The following KIF24 variants were observed in gnomAD, a reference collection of about 807,000 sequenced individuals.
KIF24 encodes kinesin-like protein KIF24.
In KIF24, 81 loss-of-function variants were observed where a neutral mutation model predicts 118.9. That is an observed-to-expected ratio of 0.68 (90% CI 0.57 to 0.82). KIF24 has a LOEUF of 0.82. Ranked by LOEUF, KIF24 falls within the 40% of genes least tolerant of loss-of-function variation. The probability of loss-of-function intolerance (pLI) is 0.00; values close to 1 mark genes in which losing one functional copy is unlikely to be tolerated. For missense variants in KIF24, 1,560 were observed against 1,661.6 expected, an observed-to-expected ratio of 0.94 and a Z score of 1.06; for synonymous variants, 599 against 610.0, an observed-to-expected ratio of 0.98 and a Z score of 0.27.
At chr9:34,281,817 G>T (rs1167025294) in intron 6 of KIF24, among the ~76,000 whole-genome samples, 2 of 152,164 alleles carry the variant, frequency 1.3e-5, no homozygotes, top group African/African-American at 4.8e-5. Context: ...TAAGTGCCTG[G>T]CCTATCCTTC....
intron 6 of KIF24, among the ~76,000 whole-genome samples, chr9:34,276,273 G>A (rs954246788): frequency 1.3e-5 from 2 of 151,204 alleles, no homozygotes; most frequent in Admixed American, 6.6e-5. Context: ...ATGGTGGTGC[G>A]CACCTGTAAT....
chr9:34,303,920 A>G (rs1836818487), intron 3 of KIF24, among the ~76,000 whole-genome samples: 1 of 152,188 alleles, frequency 6.6e-6, no homozygotes, highest in Non-Finnish European at 1.5e-5. Context: ...TCACTTTGTA[A>G]TATAACATCT....
intron 9 of KIF24, 82 bp from the exon 10 acceptor site, chr9:34,259,787 G>T: frequency 1.2e-6 from 1 of 856,318 alleles, no homozygotes; most frequent in South Asian, 1.4e-5. Flanking sequence ...CAGGATGCTG[G>T]GCCATAGTTC....
At position 34,292,953 on chromosome 9, in the gene KIF24, A is replaced by G. The variant is rs113644865; in HGVS notation, c.912-2564T>C. Among the ~76,000 whole-genome samples, 58 of 152,328 alleles carry G rather than the reference A, an allele frequency of 3.8e-4. 1 individual carries two copies. The highest frequency in any genetic ancestry group is 1.2e-3 in the African/African-American group (51 of 41,570). On this transcript the variant is annotated intron_variant, in intron 4 of 12. Coordinates refer to ENST00000402558, the MANE Select transcript of KIF24 (RefSeq NM_194313.4). ...CTATTATACTTTAAAGAATGGATAC[A>G]CTTAACTTGCAACTCTTGTTATTAC...
Position 34,319,463 on chromosome 9 carries a change from C to T in KIF24, c.-25-8092G>A, listed in dbSNP as rs535256927. The T allele has an allele frequency of 7.1e-4, 906 of 1,275,546 alleles. 1 individual carries two copies. Among genetic ancestry groups the T allele is most frequent in the Middle Eastern group, 1.3e-3 (7 of 5,466 alleles). 79.0% of individuals were successfully genotyped at this position (1,275,546 alleles called of 1,614,324 possible). A position where few individuals can be genotyped will look rare whatever the true frequency, so the allele number is the denominator to read the frequency against. On this transcript the variant is annotated intron_variant, in intron 1 of 12. Transcript: ENST00000402558. ...ACCTGACCAGCGTGTTCCACGCCACCGCCTTTGAGTTGGACACAGACGGCA... is the reference window on the plus strand; with the variant it reads ...ACCTGACCAGCGTGTTCCACGCCACTGCCTTTGAGTTGGACACAGACGGCA...
upstream of KIF24, among the ~76,000 whole-genome samples, chr9:34,332,364 T>C (rs904715065): frequency 6.6e-6 from 1 of 152,200 alleles, no homozygotes; most frequent in Admixed American, 6.5e-5. Flanking sequence ...TGCCTTTCCA[T>C]CTTACGTTGC....
chr9:34,255,589 G>T, intron 11 of KIF24, 146 bp downstream of exon 11: 1 of 699,632 alleles, frequency 1.4e-6, no homozygotes, highest in Non-Finnish European at 2.4e-6. Flanking sequence ...GAGGGCCCGG[G>T]ACCAAAGCAG....
chr9:34,319,027 A>T, intron 1 of KIF24: 1 of 1,233,376 alleles, frequency 8.1e-7, no homozygotes, highest in Non-Finnish European at 1.2e-6. Flanking sequence ...TCTTCAAGCC[A>T]CACTGGAATG....
At chr9:34,273,186 T>C (rs1563942478) in intron 6 of KIF24, among the ~76,000 whole-genome samples, 2 of 146,914 alleles carry the variant, frequency 1.4e-5, no homozygotes, top group Non-Finnish European at 1.5e-5. Flanking sequence ...GTATTTTTTC[T>C]TTTTTTTTTC....
chr9:34,319,382 G>T, intron 1 of KIF24: 1 of 884,460 alleles, frequency 1.1e-6, no homozygotes, highest in East Asian at 2.4e-5. Context: ...GCCTGACTGA[G>T]GCCATTGACA....
Position 34,253,212 on chromosome 9 carries a change from T to C in KIF24, c.*1168A>G, listed in dbSNP as rs1159581548. 6.6e-6 allele frequency: 1 copy of C among 152,204 alleles called. No homozygotes were observed. The highest frequency in any genetic ancestry group is 1.9e-4 in the East Asian group (1 of 5,188). 9.4% of individuals were successfully genotyped at this position (152,204 alleles called of 1,614,324 possible). ...CTTGGCCTTTTAATTAAGCCCTCCT[T>C]TTAAAACCGTAAAAAGTTATCCTTT... On this transcript the variant is annotated 3_prime_UTR_variant, in exon 13 of 13. Coordinates refer to ENST00000402558, the MANE Select transcript of KIF24 (RefSeq NM_194313.4).
At chr9:34,269,053 G>T (rs1429452854) in intron 8 of KIF24, among the ~76,000 whole-genome samples, 1 of 152,236 alleles carries the variant, frequency 6.6e-6, no homozygotes, top group African/African-American at 2.4e-5. Flanking sequence ...CAGGGGAAAA[G>T]AAGGCAAGGA....
At chr9:34,265,634 A>C (rs1356606126) in intron 8 of KIF24, among the ~76,000 whole-genome samples, 1 of 152,184 alleles carries the variant, frequency 6.6e-6, no homozygotes, top group Non-Finnish European at 1.5e-5. Flanking sequence ...ATGACTGTAC[A>C]TCCTTAGTGG....
intron 1 of KIF24, among the ~76,000 whole-genome samples, chr9:34,313,441 C>T (rs1228966803): frequency 1.3e-5 from 2 of 151,698 alleles, no homozygotes; most frequent in East Asian, 3.9e-4. Flanking sequence ...CAATATCTCT[C>T]TTTAAATAAT....
chr9:34,318,428 G>A lies in KIF24; in HGVS notation c.-25-7057C>T, dbSNP rs754714390. ...CACGCGCTCCCTCCTGCTCCTCAGC[G>A]CCTTCTGCCTCCTGGCGGTGGCCTT... On this transcript the variant is annotated intron_variant, in intron 1 of 12. Coordinates refer to ENST00000402558, the MANE Select transcript of KIF24 (RefSeq NM_194313.4). This position sits in a 1 kb window ranked among gnomAD's most constrained non-coding sequence, Gnocchi z 4.9. 5.8e-6 allele frequency: 4 copies of A among 694,850 alleles called. No homozygotes were observed. The highest frequency in any genetic ancestry group is 1.5e-5 in the South Asian group (1 of 67,652). The allele number at this position is 694,850 out of a possible 1,614,324, so 43.0% of individuals were successfully genotyped here. A position where few individuals can be genotyped will look rare whatever the true frequency, so the allele number is the denominator to read the frequency against.
chr9:34,287,075 G>A (rs769990891), intron 5 of KIF24, among the ~76,000 whole-genome samples: 1 of 152,178 alleles, frequency 6.6e-6, no homozygotes, highest in Non-Finnish European at 1.5e-5. Context: ...GTGAAGTGAT[G>A]CTCTCTCTCT....
rs778843156 is a variant in KIF24, at chr9:34,257,417, C to T, written c.2190G>A (p.Arg730=). Residue 730 remains arginine (R), a synonymous_variant, in exon 11 of 13, where the codon AGG becomes AGA. Transcript: ENST00000402558. ...TCTGGCTGTCTTGACTGTACTCAGC[C>T]CTGTGGTGGGCGTTGCCAAAGGAGA... The part of the protein sequence containing the change: ...VELSFGNAHH[R]AEYSQDSQRG... 2 of 1,614,066 alleles carry T rather than the reference C, an allele frequency of 1.2e-6. No homozygotes were observed. The highest frequency in any genetic ancestry group is 2.2e-5 in the East Asian group (1 of 44,886).
rs1375659981 is a variant in KIF24 at position 34,318,332 on chromosome 9, C to T, written c.-25-6961G>A. 1.7e-6 allele frequency: 1 copy of T among 582,150 alleles called. No individual in the cohort carries two copies. Among genetic ancestry groups the T allele is most frequent in the Admixed American group, 2.5e-5 (1 of 39,260 alleles). 36.1% of individuals were successfully genotyped at this position (582,150 alleles called of 1,614,324 possible). A position where few individuals can be genotyped will look rare whatever the true frequency, so the allele number is the denominator to read the frequency against. ...ACTCCCGTCTTGGAGCCAGCCCAGC[C>T]CAACCCAGCCCAACCCAGCTTGACC... On this transcript the variant is annotated intron_variant, in intron 1 of 12. Coordinates refer to ENST00000402558, the MANE Select transcript of KIF24 (RefSeq NM_194313.4). The surrounding 1 kb of genome is among the most constrained non-coding windows in gnomAD (Gnocchi z 4.9).
At chr9:34,264,286 C>T (rs1835202418) in intron 8 of KIF24, among the ~76,000 whole-genome samples, 3 of 151,626 alleles carry the variant, frequency 2.0e-5, no homozygotes, top group East Asian at 1.9e-4. Flanking sequence ...AAAAATTAGC[C>T]GGGCATGGTG....
Sources: gnomAD v4.1 joint callset for allele counts (sites outside exome capture counted in the v4.1 genomes callset) on GRCh38, gnomAD v4.1.1 for gene constraint, Gnocchi (gnomAD v3.1) non-coding constraint, MANE v1.5 for transcripts, NCBI Gene and HGNC (gene_info 2026-07-23, HGNC 2026-07-21) for gene names.